PLPPR5: variants seen among roughly 807,000 people sequenced by gnomAD.
PLPPR5 encodes the protein phospholipid phosphatase-related protein type 5.
A neutral mutation model predicts 33.9 loss-of-function variants in PLPPR5; 16 were observed. That is an observed-to-expected ratio of 0.47 (90% CI 0.32 to 0.72). PLPPR5 has a LOEUF of 0.72. Ranked by LOEUF, PLPPR5 falls within the 30% of genes least tolerant of loss-of-function variation. PLPPR5 has a pLI of 0.03. For synonymous variants in PLPPR5, 163 were observed against 150.3 expected (o/e 1.08, Z -0.62); for missense variants, 301 against 406.7 (o/e 0.74, Z 2.23).
At chr1:98,990,677 T>C (rs976525989) in intron 1 of PLPPR5, among the ~76,000 whole-genome samples, 2 of 151,726 alleles carry the variant, frequency 1.3e-5, no homozygotes, top group African/African-American at 4.9e-5. Flanking sequence ...AAATCAGTGA[T>C]GATTAGGAAA....
intron 3 of PLPPR5, among the ~76,000 whole-genome samples, chr1:98,942,471 T>C (rs1488515810): frequency 6.6e-6 from 1 of 152,216 alleles, no homozygotes; most frequent in Non-Finnish European, 1.5e-5. Flanking sequence ...TGTTAGATCC[T>C]GTCTGCATTA....
At chr1:98,910,843 G>A (rs1393457244) in intron 5 of PLPPR5, among the ~76,000 whole-genome samples, 1 of 151,566 alleles carries the variant, frequency 6.6e-6, no homozygotes, top group African/African-American at 2.4e-5. Context: ...CAGATATGGG[G>A]AGAATGTGCA....
Position 98,952,119 on chromosome 1 carries a change from C to T in PLPPR5, c.621+951G>A, listed in dbSNP as rs982789441. ...CTCTACTAAAAATACAAAAATCAGTCGGGTGTGGTGGCACACACCTGTAGT... is the reference window on the plus strand; with the variant it reads ...CTCTACTAAAAATACAAAAATCAGTTGGGTGTGGTGGCACACACCTGTAGT... On this transcript the variant is annotated intron_variant, in intron 3 of 5. Transcript: ENST00000263177. 5.3e-5 allele frequency among the ~76,000 whole-genome samples: 8 copies of T among 152,154 alleles called. No homozygotes were observed. In the South Asian group the frequency reaches 1.7e-3, roughly 32 times the overall value.
chr1:98,969,428 A>G (rs1374774409), intron 1 of PLPPR5, among the ~76,000 whole-genome samples: 1 of 152,092 alleles, frequency 6.6e-6, no homozygotes, highest in Non-Finnish European at 1.5e-5. Context: ...GAGAAAAAAT[A>G]TGATTCTAAA....
At chr1:98,973,260 A>G (rs1207221709) in intron 1 of PLPPR5, among the ~76,000 whole-genome samples, 1 of 152,116 alleles carries the variant, frequency 6.6e-6, no homozygotes, top group East Asian at 1.9e-4. Flanking sequence ...TTTAAAATAT[A>G]CAAATAACTA....
intron 1 of PLPPR5, among the ~76,000 whole-genome samples, chr1:98,970,982 T>C (rs778611644): frequency 6.6e-6 from 1 of 152,130 alleles, no homozygotes; most frequent in Non-Finnish European, 1.5e-5. Flanking sequence ...CTTTTCTGCA[T>C]AAAGCGTAAA....
intron 5 of PLPPR5, among the ~76,000 whole-genome samples, chr1:98,911,555 G>A (rs985592905): frequency 6.6e-6 from 1 of 152,032 alleles, no homozygotes. Flanking sequence ...TAGATACAAT[G>A]ATGTAATGAT....
At chr1:98,981,401 C>T (rs460791) in intron 1 of PLPPR5, among the ~76,000 whole-genome samples, 8 of 152,064 alleles carry the variant, frequency 5.3e-5, no homozygotes, top group African/African-American at 1.9e-4. Flanking sequence ...ACCAAGCTTT[C>T]TTCAGCCTAA....
At chr1:98,988,103 T>C (rs1652321541) in intron 1 of PLPPR5, among the ~76,000 whole-genome samples, 1 of 152,076 alleles carries the variant, frequency 6.6e-6, no homozygotes, top group Non-Finnish European at 1.5e-5. Flanking sequence ...TTGACTGGAA[T>C]GTGGTATCTG....
In PLPPR5 at chr1:98,937,350, A is replaced by G. The variant is rs577399673; in HGVS notation, c.622-15292T>C. ...CCCCTTGCATTCTTGAATCTTCCCT[A>G]TCAAGAGGTAGAGTCCAATTCCCCT... On this transcript the variant is annotated intron_variant, in intron 3 of 5. Coordinates refer to ENST00000263177, the MANE Select transcript of PLPPR5 (RefSeq NM_001037317.2). Among the ~76,000 whole-genome samples, 21 of 152,290 alleles carry G rather than the reference A, an allele frequency of 1.4e-4. No homozygotes were observed. In the South Asian group the frequency reaches 2.5e-3, roughly 18 times the overall value.
chr1:98,919,959 C>A (rs576705051), intron 4 of PLPPR5, among the ~76,000 whole-genome samples: 9 of 152,268 alleles, frequency 5.9e-5, no homozygotes, highest in Admixed American at 4.6e-4. Context: ...CATTCACATT[C>A]ATAAATGGCT....
intron 1 of PLPPR5, among the ~76,000 whole-genome samples, chr1:98,979,566 T>C (rs1651984431): frequency 6.6e-6 from 1 of 152,052 alleles, no homozygotes; most frequent in South Asian, 2.1e-4. Flanking sequence ...ATTGTTTGGT[T>C]CCATATCAAG....
chr1:99,001,277 G>C (rs1442973812), intron 1 of PLPPR5, among the ~76,000 whole-genome samples: 2 of 151,922 alleles, frequency 1.3e-5, no homozygotes, highest in Non-Finnish European at 2.9e-5. Context: ...TGGGACTACA[G>C]GCGCCCGCCA....
intron 1 of PLPPR5, among the ~76,000 whole-genome samples, chr1:98,965,944 A>T (rs1275579869): frequency 6.6e-6 from 1 of 152,228 alleles, no homozygotes; most frequent in Non-Finnish European, 1.5e-5. Flanking sequence ...ATAATATCCA[A>T]AAAGCAAAAT....
chr1:98,999,535 C>T (rs1186097685), intron 1 of PLPPR5, among the ~76,000 whole-genome samples: 1 of 152,122 alleles, frequency 6.6e-6, no homozygotes, highest in African/African-American at 2.4e-5. Context: ...GGTTACATGG[C>T]TAGTAAGTGG....
Position 99,004,528 on chromosome 1 carries a change from G to T in PLPPR5, c.144C>A (p.Ser48Arg), listed in dbSNP as rs1251761429. The stretch of plus-strand genomic sequence containing the variant: ...GGCCCGGGTAGGGTTTGCGGTAGGC[G>T]CTGTCGTGGCAGAAGAAGCCCTGCA... ...VNVQGFFCHD[S>R]AYRKPYPGPE... Residue 48 changes from serine to arginine, a missense_variant, in exon 1 of 6, where the codon AGC becomes AGA. Transcript: ENST00000263177. 6.2e-7 allele frequency: 1 copy of T among 1,613,212 alleles called. No homozygotes were observed. The highest frequency in any genetic ancestry group is 8.5e-7 in the Non-Finnish European group (1 of 1,179,874).
At position 98,994,395 on chromosome 1, in the gene PLPPR5, AAATT is replaced by A. The variant is rs530586840; in HGVS notation, c.237+10036_237+10039del. On this transcript the variant is annotated intron_variant, in intron 1 of 5. Transcript: ENST00000263177. ...GCCAAACACAAAACAGGTCATCAACAAATTAATGAAAACTTGAAAAATTCAATAG... is the reference window on the plus strand; with the variant it reads ...GCCAAACACAAAACAGGTCATCAACAAATGAAAACTTGAAAAATTCAATAG... 2.3e-3 allele frequency among the ~76,000 whole-genome samples: 346 copies of A among 152,262 alleles called. 2 individuals carry two copies. Among genetic ancestry groups the A allele is most frequent in the Non-Finnish European group, 4.4e-3 (296 of 67,998 alleles).
chr1:98,919,101 G>C (rs1649459865), intron 4 of PLPPR5, among the ~76,000 whole-genome samples: 1 of 152,138 alleles, frequency 6.6e-6, no homozygotes, highest in South Asian at 2.1e-4. Flanking sequence ...AGTAAAGTAA[G>C]GAATAAGGAA....
intron 1 of PLPPR5, among the ~76,000 whole-genome samples, chr1:98,998,733 C>A (rs1652719410): frequency 6.6e-6 from 1 of 152,116 alleles, no homozygotes; most frequent in Admixed American, 6.5e-5. Context: ...CTAACCTCTT[C>A]CAAATCTCTT....
Sources: gnomAD v4.1 joint callset for allele counts (sites outside exome capture counted in the v4.1 genomes callset) on GRCh38, gnomAD v4.1.1 for gene constraint, MANE v1.5 for transcripts, NCBI Gene and HGNC (gene_info 2026-07-23, HGNC 2026-07-21) for gene names.